Variants in GPC5 observed in about 807,000 individuals in gnomAD.
The protein encoded by GPC5 is glypican 5.
In GPC5, 47 loss-of-function variants were observed where a neutral mutation model predicts 53.9. The ratio of observed to expected loss-of-function variants is 0.87; its 90% CI spans 0.69 to 1.11. GPC5 has a LOEUF of 1.11. GPC5 is among the 50% of genes most tolerant of loss of function. The pLI, the probability that GPC5 is intolerant of heterozygous loss-of-function variation, is 0.00. For synonymous variants in GPC5, 286 were observed against 263.3 expected (o/e 1.09, Z -0.84); for missense variants, 748 against 713.1 (o/e 1.05, Z -0.56).
chr13:91,901,824 C>A (rs1325040984), intron 5 of GPC5, among the ~76,000 whole-genome samples: 1 of 151,912 alleles, frequency 6.6e-6, no homozygotes, highest in African/African-American at 2.4e-5. Context: ...ATTTATGACT[C>A]TGGAAATGGA....
intron 7 of GPC5, among the ~76,000 whole-genome samples, chr13:92,214,450 T>G (rs2042396188): frequency 6.6e-6 from 1 of 152,212 alleles, no homozygotes; most frequent in African/African-American, 2.4e-5. Context: ...CCTCTGAGCC[T>G]CTAAAACTCT....
chr13:92,626,994 G>A (rs543783995), intron 7 of GPC5, among the ~76,000 whole-genome samples: 13 of 152,164 alleles, frequency 8.5e-5, no homozygotes, highest in African/African-American at 3.1e-4. Flanking sequence ...TATTGTCATT[G>A]ATTGAATGAA....
intron 7 of GPC5, among the ~76,000 whole-genome samples, chr13:92,441,642 T>C (rs1877569988): frequency 6.6e-6 from 1 of 152,126 alleles, no homozygotes; most frequent in Admixed American, 6.6e-5. Flanking sequence ...GGGAAAGATC[T>C]CTATTACAGA....
At chr13:92,598,986 A>C (rs558105174) in intron 7 of GPC5, among the ~76,000 whole-genome samples, 1 of 152,334 alleles carries the variant, frequency 6.6e-6, no homozygotes, top group Admixed American at 6.5e-5. Flanking sequence ...AGTATTCCAA[A>C]GTTGTGACAC....
At chr13:91,815,403 T>C (rs2038384014) in intron 5 of GPC5, among the ~76,000 whole-genome samples, 1 of 152,106 alleles carries the variant, frequency 6.6e-6, no homozygotes, top group Non-Finnish European at 1.5e-5. Context: ...TCTTGGTGGA[T>C]AAGTGAGGCA....
chr13:91,735,793 G>A (rs9589349), intron 4 of GPC5, among the ~76,000 whole-genome samples: 2,838 of 151,270 alleles, frequency 0.019, 247 homozygotes, highest in African/African-American at 0.067. Context: ...ATGCACTAGA[G>A]TCTACTACTT....
intron 7 of GPC5, among the ~76,000 whole-genome samples, chr13:92,853,498 G>C (rs370843751): frequency 2.0e-5 from 3 of 152,078 alleles, no homozygotes; most frequent in African/African-American, 4.8e-5. Context: ...ATCCCCATCC[G>C]ATAAGGCGAG....
intron 6 of GPC5, among the ~76,000 whole-genome samples, chr13:91,937,732 T>C (rs1260829204): frequency 6.6e-6 from 1 of 152,070 alleles, no homozygotes; most frequent in Non-Finnish European, 1.5e-5. Context: ...ATAGGTTTAT[T>C]TAGACCGGAT....
chr13:92,070,314 A>ATTGCATTACT (rs1334479207), intron 6 of GPC5, among the ~76,000 whole-genome samples: 2 of 152,222 alleles, frequency 1.3e-5, no homozygotes, highest in African/African-American at 4.8e-5. Flanking sequence ...TGATGGAGTC[A>ATTGCATTACT]TTGCATTACT....
At chr13:91,571,412 A>C (rs184686886) in intron 2 of GPC5, among the ~76,000 whole-genome samples, 1,530 of 152,166 alleles carry the variant, frequency 0.01, 8 homozygotes, top group Non-Finnish European at 0.015. Flanking sequence ...TTTTCATCCT[A>C]TTTTAAACTT....
At chr13:92,392,343 A>G (rs748400124) in intron 7 of GPC5, among the ~76,000 whole-genome samples, 2 of 152,184 alleles carry the variant, frequency 1.3e-5, no homozygotes, top group African/African-American at 4.8e-5. Context: ...AGAACTGGCT[A>G]GCAATATGCA....
intron 7 of GPC5, among the ~76,000 whole-genome samples, chr13:92,570,928 T>C (rs1029094992): frequency 8.5e-5 from 13 of 152,160 alleles, no homozygotes; most frequent in African/African-American, 3.1e-4. Flanking sequence ...AATAAACAAA[T>C]TGCCAAAAGC....
chr13:92,774,132 A>C (rs1370441681), intron 7 of GPC5, among the ~76,000 whole-genome samples: 1 of 152,220 alleles, frequency 6.6e-6, no homozygotes, highest in African/African-American at 2.4e-5. Flanking sequence ...GAGCCAAACC[A>C]TATCAGCTTT....
At chr13:91,852,382 G>A (rs1403892097) in intron 5 of GPC5, among the ~76,000 whole-genome samples, 1 of 151,908 alleles carries the variant, frequency 6.6e-6, no homozygotes, top group African/African-American at 2.4e-5. Flanking sequence ...CAAATGACAT[G>A]TATAGAGCTT....
intron 7 of GPC5, among the ~76,000 whole-genome samples, chr13:92,171,554 A>T (rs2042070892): frequency 6.6e-6 from 1 of 152,180 alleles, no homozygotes. Flanking sequence ...TGGTGTTGCC[A>T]GAGTCAGCCT....
intron 7 of GPC5, among the ~76,000 whole-genome samples, chr13:92,511,697 C>A (rs1041419953): frequency 1.3e-5 from 2 of 152,180 alleles, no homozygotes; most frequent in African/African-American, 4.8e-5. Context: ...TGCATATTCT[C>A]TTATAAAGTC....
intron 5 of GPC5, among the ~76,000 whole-genome samples, chr13:91,875,938 C>T (rs982588440): frequency 3.9e-5 from 6 of 152,300 alleles, no homozygotes; most frequent in African/African-American, 1.2e-4. Flanking sequence ...CCAGAATTCC[C>T]ACATGTTGTG....
At chr13:92,808,120 C>T (rs1241450128) in intron 7 of GPC5, among the ~76,000 whole-genome samples, 1 of 151,818 alleles carries the variant, frequency 6.6e-6, no homozygotes, top group Non-Finnish European at 1.5e-5. Flanking sequence ...TCCACTACAC[C>T]ATATATAATC....
At chr13:91,809,336 A>G (rs1739431659) in intron 5 of GPC5, among the ~76,000 whole-genome samples, 1 of 152,172 alleles carries the variant, frequency 6.6e-6, no homozygotes, top group Non-Finnish European at 1.5e-5. Context: ...AGAAGTTTCC[A>G]GTGACAGAGA....
Sources: gnomAD v4.1 joint callset for allele counts (sites outside exome capture counted in the v4.1 genomes callset) on GRCh38, gnomAD v4.1.1 for gene constraint, MANE v1.5 for transcripts, NCBI Gene and HGNC (gene_info 2026-07-23, HGNC 2026-07-21) for gene names.